Variants in BEST3 observed in about 807,000 individuals in gnomAD.
The protein encoded by BEST3 is bestrophin-3.
Under a neutral mutation model 47.1 loss-of-function variants are expected in BEST3, and 50 were observed. That is an observed-to-expected ratio of 1.06 (90% CI 0.85 to 1.34). BEST3 has a LOEUF of 1.34. Among genes scored for constraint, BEST3 ranks in the 40% most tolerant of loss-of-function variants. BEST3 has a pLI of 0.00. For synonymous variants in BEST3, 282 were observed against 298.8 expected (o/e 0.94, Z 0.58); for missense variants, 765 against 817.0 (o/e 0.94, Z 0.78).
chr12:69,696,125 C>T (rs947562237), intron 2 of BEST3, among the ~76,000 whole-genome samples: 1 of 152,058 alleles, frequency 6.6e-6, no homozygotes, highest in African/African-American at 2.4e-5. Context: ...TCTTGACAAA[C>T]TCATCCTATA....
intron 9 of BEST3, among the ~76,000 whole-genome samples, chr12:69,664,442 G>A (rs752479783): frequency 2.0e-5 from 3 of 152,010 alleles, no homozygotes; most frequent in East Asian, 1.9e-4. Flanking sequence ...CCCGCCACCC[G>A]GGGCCAGTTC....
In BEST3 at chr12:69,653,779, A is replaced by G; in HGVS notation, c.*1128T>C. 1 of 985,436 alleles carries G rather than the reference A, an allele frequency of 1.0e-6. No homozygotes were observed. The allele number at this position is 985,436 out of a possible 1,614,324, so 61.0% of individuals were successfully genotyped here. ...TACCAACATCCGATCCCCATTATGCAGCTCTGGACCCCATTAGCCTCCCAG... is the reference window on the plus strand; with the variant it reads ...TACCAACATCCGATCCCCATTATGCGGCTCTGGACCCCATTAGCCTCCCAG... On this transcript the variant is annotated 3_prime_UTR_variant, in exon 10 of 10. Coordinates refer to ENST00000330891, the MANE Select transcript of BEST3 (RefSeq NM_032735.3).
chr12:69,657,945 T>G (rs1033983696), intron 9 of BEST3, among the ~76,000 whole-genome samples: 5 of 152,158 alleles, frequency 3.3e-5, no homozygotes, highest in Non-Finnish European at 7.3e-5. Context: ...ACTTGAGAAA[T>G]GCAGACTCAT....
Position 69,693,782 on chromosome 12 carries a change from T to C in BEST3, c.373A>G (p.Arg125Gly). ...TTGACGTAGCGCATCAGCGTCCTTC[T>C]AAGCAGGCGCCCGTGCTCGTCGCTT... ...HGSDEHGRLL[R>G]RTLMRYVNLT... Residue 125 changes from arginine to glycine, a missense_variant, in exon 4 of 10, where the codon AGA (arginine) becomes GGA (glycine). Physicochemically the swap from Arg to Gly is moderately radical, Grantham distance 125. Transcript: ENST00000330891. The C allele has an allele frequency of 6.2e-7, 1 of 1,614,160 alleles. No individual in the cohort carries two copies. Among genetic ancestry groups the C allele is most frequent in the Non-Finnish European group, 8.5e-7 (1 of 1,180,020 alleles).
At chr12:69,694,582 T>G (rs1886066046) in intron 2 of BEST3, 118 bp from the exon 3 acceptor site, 3 of 484,776 alleles carry the variant, frequency 6.2e-6, no homozygotes, top group Non-Finnish European at 6.8e-6. Flanking sequence ...GAAGGATCAA[T>G]AATTTTTTCC....
intron 2 of BEST3, among the ~76,000 whole-genome samples, chr12:69,697,228 T>G (rs75634089): frequency 0.013 from 1,959 of 152,308 alleles, 21 homozygotes; most frequent in Non-Finnish European, 0.018. Context: ...CATACACCAA[T>G]CATGAACATG....
intron 9 of BEST3, among the ~76,000 whole-genome samples, chr12:69,648,096 C>T (rs1257138199): frequency 2.0e-5 from 3 of 152,070 alleles, no homozygotes; most frequent in African/African-American, 4.8e-5. Context: ...GATAGTGAGG[C>T]GATGCCAAGC....
intron 9 of BEST3, among the ~76,000 whole-genome samples, chr12:69,662,232 T>C (rs892934623): frequency 4.6e-5 from 7 of 152,186 alleles, no homozygotes; most frequent in African/African-American, 1.4e-4. Context: ...GAAAAATCAA[T>C]GTTCCCAGAA....
intron 9 of BEST3, among the ~76,000 whole-genome samples, chr12:69,644,713 A>G (rs1882977848): frequency 6.6e-6 from 1 of 152,196 alleles, no homozygotes; most frequent in Admixed American, 6.5e-5. Context: ...CACTGGGAGT[A>G]ATGTTGTTAG....
chr12:69,692,005 C>A (rs1004868330), intron 4 of BEST3, among the ~76,000 whole-genome samples: 2 of 152,188 alleles, frequency 1.3e-5, no homozygotes, highest in African/African-American at 4.8e-5. Context: ...TTTTATAAAA[C>A]CTCCAACCTT....
chr12:69,648,078 A>T (rs1883096300), intron 9 of BEST3, among the ~76,000 whole-genome samples: 1 of 152,322 alleles, frequency 6.6e-6, no homozygotes, highest in South Asian at 2.1e-4. Flanking sequence ...TTCAGACTGG[A>T]AAAAACAGAT....
At position 69,654,292 on chromosome 12, in the gene BEST3, A is replaced by T; in HGVS notation, c.*615T>A. The T allele has an allele frequency of 1.0e-6, 1 of 984,912 alleles. No homozygotes were observed. Among genetic ancestry groups the T allele is most frequent in the Non-Finnish European group, 1.2e-6 (1 of 829,470 alleles). 61.0% of individuals were successfully genotyped at this position (984,912 alleles called of 1,614,324 possible). A position where few individuals can be genotyped will look rare whatever the true frequency, so the allele number is the denominator to read the frequency against. ...AAAAAGGATGACAGAATAAAAGGAA[A>T]AGAGAGAAAAGTAAAAAAGGAAATT... On this transcript the variant is annotated 3_prime_UTR_variant, in exon 10 of 10. Transcript: ENST00000330891.
intron 9 of BEST3, among the ~76,000 whole-genome samples, chr12:69,665,774 C>T (rs1884172838): frequency 6.6e-6 from 1 of 152,134 alleles, no homozygotes; most frequent in African/African-American, 2.4e-5. Flanking sequence ...TCAATTCAGA[C>T]TTCTCAAAAA....
chr12:69,669,590 T>C (rs1884435585), intron 9 of BEST3: 1 of 152,218 alleles, frequency 6.6e-6, no homozygotes, highest in African/African-American at 2.4e-5. Flanking sequence ...ATTTAATCTT[T>C]CTCTGCTTCA....
intron 4 of BEST3, among the ~76,000 whole-genome samples, chr12:69,687,103 G>A (rs914553242): frequency 6.6e-6 from 1 of 152,192 alleles, no homozygotes; most frequent in Non-Finnish European, 1.5e-5. Context: ...TTTTACCAAA[G>A]TTCCTGAGTT....
At chr12:69,658,138 A>T (rs943453354) in intron 9 of BEST3, among the ~76,000 whole-genome samples, 20 of 152,188 alleles carry the variant, frequency 1.3e-4, no homozygotes, top group African/African-American at 4.6e-4. Context: ...ATCTCTCTAT[A>T]TAGGACAGGC....
At chr12:69,665,041 G>A (rs1290164267) in intron 9 of BEST3, among the ~76,000 whole-genome samples, 4 of 151,730 alleles carry the variant, frequency 2.6e-5, no homozygotes, top group African/African-American at 4.8e-5. Context: ...GCACTACAGC[G>A]AACACCAGAG....
Position 69,693,885 on chromosome 12 carries a change from C to A in BEST3, c.270G>T (p.Val90=). The A allele has an allele frequency of 6.2e-7, 1 of 1,611,174 alleles. No homozygotes were observed. The highest frequency in any genetic ancestry group is 8.5e-7 in the Non-Finnish European group (1 of 1,178,546). ...TCACAAACTGGTTCCACCATCGGTT[C>A]ACTACCAGAGTAACATAAAACCCTG... ...FVLGFYVTLV[V]NRWWNQFVNL... Residue 90 remains valine (V), a synonymous_variant, in exon 4 of 10, where the codon GTG becomes GTT. Coordinates refer to ENST00000330891, the MANE Select transcript of BEST3 (RefSeq NM_032735.3).
At chr12:69,676,711 G>A (rs1644009866) in intron 7 of BEST3, among the ~76,000 whole-genome samples, 1 of 152,156 alleles carries the variant, frequency 6.6e-6, no homozygotes, top group African/African-American at 2.4e-5. Context: ...TTCTTCTAAT[G>A]TCTTTGCACA....
Sources: gnomAD v4.1 joint callset for allele counts (sites outside exome capture counted in the v4.1 genomes callset) on GRCh38, gnomAD v4.1.1 for gene constraint, MANE v1.5 for transcripts, NCBI Gene and HGNC (gene_info 2026-07-23, HGNC 2026-07-21) for gene names.